Variants in AGL observed in about 807,000 individuals in gnomAD.
AGL encodes the protein amylo-alpha-1,6-glucosidase and 4-alpha-glucanotransferase.
Under a neutral mutation model 199.3 loss-of-function variants are expected in AGL, and 128 were observed. The ratio of observed to expected loss-of-function variants is 0.64; its 90% confidence interval spans 0.56 to 0.74. AGL has a LOEUF of 0.74. Ranked by LOEUF, AGL falls within the 30% of genes least tolerant of loss-of-function variation. The pLI is 0.00. For synonymous variants in AGL, 584 were observed against 594.7 expected, an observed-to-expected ratio of 0.98 and a Z score of 0.26; for missense variants, 1,809 against 1,820.8, an observed-to-expected ratio of 0.99 and a Z score of 0.12.
intron 27 of AGL, among the ~76,000 whole-genome samples, chr1:99,909,671 A>AT (rs1032144083): frequency 2.0e-5 from 3 of 151,864 alleles, no homozygotes; most frequent in Non-Finnish European, 4.4e-5. Flanking sequence ...GAAAAAAAAA[A>AT]CCAGGGAACT....
At chr1:99,915,540 G>T in intron 31 of AGL, 54 bp downstream of exon 31, 1 of 1,367,146 alleles carries the variant, frequency 7.3e-7, no homozygotes, top group South Asian at 1.2e-5. Context: ...CAAATACATT[G>T]ACATCAACCA....
chr1:99,849,274 T>G (rs189123965), upstream of AGL, among the ~76,000 whole-genome samples: 263 of 151,864 alleles, frequency 1.7e-3, no homozygotes, highest in African/African-American at 6.0e-3. Flanking sequence ...ACTTATATCC[T>G]CTTTGGACCT....
chr1:99,862,739 G>T (rs940560216), intron 4 of AGL, among the ~76,000 whole-genome samples: 1 of 152,046 alleles, frequency 6.6e-6, no homozygotes, highest in Non-Finnish European at 1.5e-5. Flanking sequence ...ACCAGATCTT[G>T]TGAAAACTCA....
At position 99,887,935 on chromosome 1, in the gene AGL, G is replaced by A. The variant is rs1652572777; in HGVS notation, c.2682-43G>A. 1.9e-6 allele frequency: 3 copies of A among 1,607,638 alleles called. No homozygotes were observed. In the South Asian group the frequency reaches 3.3e-5, roughly 18 times the overall value. ...CTTCTTTTGTTTCTATTGACAACAA[G>A]CGAAACTTCAATATATGGTTATCTT... On this transcript the variant is annotated intron_variant, in intron 20 of 33. Coordinates refer to ENST00000361915, the MANE Select transcript of AGL (RefSeq NM_000642.3).
chr1:99,870,690 G>T, intron 6 of AGL, 68 bp from the exon 7 acceptor site: 1 of 1,439,296 alleles, frequency 6.9e-7, no homozygotes, highest in Admixed American at 1.7e-5. Context: ...ATGATAAACA[G>T]TATTTGCTTA....
At chr1:99,900,592 A>G (rs896945946) in intron 25 of AGL, 44 bp from the exon 26 acceptor site, 2 of 1,561,284 alleles carry the variant, frequency 1.3e-6, no homozygotes, top group African/African-American at 1.4e-5. Context: ...TCAATTTTTA[A>G]GTGTTTGTTT....
chr1:99,921,548 G>T lies in AGL; in HGVS notation c.4496G>T (p.Gly1499Val). Reference sequence around the variant, plus strand: ...CTTTCATTCAGATCCCCTTGGAAAGGACTTCCAGAACTGACCAATGAGAAT... The same window carrying T: ...CTTTCATTCAGATCCCCTTGGAAAGTACTTCCAGAACTGACCAATGAGAAT... ...YVHLERSPWKGLPELTNENAQ... is the reference protein window; with the variant it reads ...YVHLERSPWKVLPELTNENAQ... The change falls in exon 34 of 34, where the codon GGA becomes GTA. Residue 1499 changes from glycine to valine, a missense_variant. Transcript: ENST00000361915. 1 of 1,611,900 alleles carries T rather than the reference G, an allele frequency of 6.2e-7. No individual in the cohort carries two copies. Among genetic ancestry groups the T allele is most frequent in the Non-Finnish European group, 8.5e-7 (1 of 1,178,342 alleles).
rs991354584 is a variant in AGL, at chr1:99,884,184, G to A, written c.2373G>A (p.Lys791=). 6.2e-7 allele frequency: 1 copy of A among 1,612,966 alleles called. No individual in the cohort carries two copies. Among genetic ancestry groups the A allele is most frequent in the Non-Finnish European group, 8.5e-7 (1 of 1,179,166 alleles). Residue 791 remains lysine (K), a synonymous_variant, in exon 18 of 34, where the codon AAG becomes AAA. Transcript: ENST00000361915. The stretch of plus-strand genomic sequence containing the variant: ...AGAGAAACACGAAACCTTATAGGAA[G>A]GATGAGAATTCAATCAATGGAACAC... The part of the protein sequence containing the change: ...TIERNTKPYR[K]DENSINGTPD...
intron 2 of AGL, 160 bp from the exon 3 acceptor site, chr1:99,861,343 T>A: frequency 4.0e-6 from 6 of 1,500,524 alleles, no homozygotes; most frequent in Non-Finnish European, 5.3e-6. Context: ...TTCAGCTAAA[T>A]TGGAATACAA....
chr1:99,906,291 A>G (rs1328213347), intron 27 of AGL, among the ~76,000 whole-genome samples: 1 of 152,222 alleles, frequency 6.6e-6, no homozygotes, highest in African/African-American at 2.4e-5. Flanking sequence ...TCAATACATA[A>G]GAGTTGTACA....
At chr1:99,877,448 T>C (rs1428319362) in intron 11 of AGL, among the ~76,000 whole-genome samples, 193 bp from the exon 12 acceptor site, 2 of 152,214 alleles carry the variant, frequency 1.3e-5, no homozygotes, top group Non-Finnish European at 2.9e-5. Context: ...GCTAGAGTTT[T>C]TTCAGAATAG....
intron 5 of AGL, among the ~76,000 whole-genome samples, chr1:99,865,890 C>T (rs1439407375): frequency 1.3e-5 from 2 of 152,170 alleles, no homozygotes; most frequent in Non-Finnish European, 2.9e-5. Context: ...TTTGGTGTTT[C>T]TGCATGTACC....
At chr1:99,889,231 C>T (rs557421027) in intron 21 of AGL, among the ~76,000 whole-genome samples, 2 of 152,320 alleles carry the variant, frequency 1.3e-5, no homozygotes, top group African/African-American at 4.8e-5. Flanking sequence ...GTAGGCTGCA[C>T]ACTTTCAGAA....
chr1:99,850,634 A>G, intron 1 of AGL: 1 of 210,124 alleles, frequency 4.8e-6, no homozygotes, highest in South Asian at 7.4e-5. Context: ...CAGAAGTGCC[A>G]TTCGGAGTCT....
rs575177153 is a variant in AGL, at chr1:99,880,441, C to A, written c.1736-191C>A. ...TCCCTTTTCCTTACATGAGCCATTT[C>A]TCCAGTTAAGTTATGGGGAAAACTT... On this transcript the variant is annotated intron_variant, in intron 13 of 33. Coordinates refer to ENST00000361915, the MANE Select transcript of AGL (RefSeq NM_000642.3). 4.6e-5 allele frequency among the ~76,000 whole-genome samples: 7 copies of A among 152,312 alleles called. No individual in the cohort carries two copies. In the East Asian group the frequency reaches 9.6e-4, roughly 21 times the overall value.
intron 5 of AGL, among the ~76,000 whole-genome samples, chr1:99,865,808 G>T (rs1650455702): frequency 6.6e-6 from 1 of 152,160 alleles, no homozygotes; most frequent in African/African-American, 2.4e-5. Context: ...TCATAGATCT[G>T]GTTCATCAAT....
chr1:99,913,552 TG>T lies in AGL; in HGVS notation c.3976del (p.Glu1326SerfsTer23), dbSNP rs1654902207. ...GAAAGGCTATAAAGGTCTCATATGA[TG>T]AGTGGAACAGAAAAATACAAGACAA... ...HGKAIKVSYD[E>X]WNRKIQDNFE... On this transcript the variant is annotated frameshift_variant, in exon 30 of 34. Transcript: ENST00000361915. LOFTEE classifies it high-confidence loss of function. 6.2e-7 allele frequency: 1 copy of T among 1,613,732 alleles called. No individual in the cohort carries two copies. The highest frequency in any genetic ancestry group is 8.5e-7 in the Non-Finnish European group (1 of 1,179,868).
chr1:99,882,915 G>T (rs932553285), intron 17 of AGL, among the ~76,000 whole-genome samples: 1 of 151,964 alleles, frequency 6.6e-6, no homozygotes, highest in Non-Finnish European at 1.5e-5. Flanking sequence ...TTCTTTAATT[G>T]TTCACAAATG....
At chr1:99,866,589 T>A (rs7528537) in intron 5 of AGL, among the ~76,000 whole-genome samples, 57,721 of 151,962 alleles carry the variant, frequency 0.38, 12,003 homozygotes, top group East Asian at 0.49. Flanking sequence ...TAGTCTTGAG[T>A]TTGTCAGCTA....
Sources: allele counts gnomAD v4.1 joint callset (sites outside exome capture counted in the v4.1 genomes callset), GRCh38; gene constraint gnomAD v4.1.1; transcripts MANE v1.5; gene names NCBI Gene and HGNC (gene_info 2026-07-23, HGNC 2026-07-21).